TRAK1: variants seen among roughly 807,000 people sequenced by gnomAD.
TRAK1 encodes the protein trafficking kinesin-binding protein 1.
TRAK1 carries 33 observed loss-of-function variants against 92.1 expected under a neutral mutation model. That is an observed-to-expected ratio of 0.36 (90% CI 0.27 to 0.48). TRAK1 has a LOEUF of 0.48. Among genes scored for constraint, TRAK1 ranks in the 20% least tolerant of loss-of-function variants. The pLI is 0.99. For missense variants in TRAK1, 1,123 were observed against 1,257.9 expected, an observed-to-expected ratio of 0.89 and a Z score of 1.62; for synonymous variants, 521 against 517.3, an observed-to-expected ratio of 1.01 and a Z score of -0.10.
intron 2 of TRAK1, among the ~76,000 whole-genome samples, chr3:42,138,886 TGTG>T (rs1698310718): frequency 1.5e-5 from 2 of 134,626 alleles, no homozygotes; most frequent in Non-Finnish European, 3.5e-5. Context: ...GGTGTGTGTG[TGTG>T]TGTGTGTGTG....
At chr3:42,201,181 G>A in intron 12 of TRAK1, 127 bp downstream of exon 12, 9 of 1,035,026 alleles carry the variant, frequency 8.7e-6, no homozygotes, top group Admixed American at 6.4e-5. Flanking sequence ...AGACCTGGCC[G>A]GGCGTGGTGG....
intron 1 of TRAK1, among the ~76,000 whole-genome samples, chr3:42,107,788 G>T (rs1339584427): frequency 6.6e-6 from 1 of 151,896 alleles, no homozygotes; most frequent in Admixed American, 6.6e-5. Flanking sequence ...ATAGAACAGT[G>T]GCTTCACATT....
intron 1 of TRAK1, among the ~76,000 whole-genome samples, chr3:42,041,438 C>T (rs955719153): frequency 3.3e-5 from 5 of 151,998 alleles, no homozygotes; most frequent in Admixed American, 6.6e-5. Flanking sequence ...TATAAAAATA[C>T]GACTGATTTG....
chr3:42,042,205 G>C (rs1702571210), intron 1 of TRAK1, among the ~76,000 whole-genome samples: 1 of 152,124 alleles, frequency 6.6e-6, no homozygotes, highest in Admixed American at 6.5e-5. Flanking sequence ...GGGATTACAG[G>C]CGTGAGCCAT....
chr3:42,180,174 A>C (rs749730082), intron 3 of TRAK1, among the ~76,000 whole-genome samples: 3 of 152,198 alleles, frequency 2.0e-5, no homozygotes, highest in Non-Finnish European at 4.4e-5. Flanking sequence ...AAAAAACTAG[A>C]GACACTACAA....
intron 1 of TRAK1, among the ~76,000 whole-genome samples, chr3:42,047,130 T>C (rs577229484): frequency 2.6e-5 from 4 of 152,068 alleles, no homozygotes; most frequent in Non-Finnish European, 5.9e-5. Context: ...GCATAGTTAT[T>C]GTGTACCTGA....
chr3:42,019,199 A>G (rs1201202012), intron 1 of TRAK1, among the ~76,000 whole-genome samples: 1 of 152,206 alleles, frequency 6.6e-6, no homozygotes, highest in African/African-American at 2.4e-5. Flanking sequence ...CCAGGATTAC[A>G]GAGATAAAGC....
At chr3:42,090,695 A>G (rs536334255), upstream of TRAK1, among the ~76,000 whole-genome samples, 2 of 152,278 alleles carry the variant, frequency 1.3e-5, no homozygotes, top group Admixed American at 6.5e-5. Context: ...AAACAAAACG[A>G]AACAGCAACA....
chr3:42,018,311 A>C (rs1195905682), intron 1 of TRAK1, among the ~76,000 whole-genome samples: 1 of 151,974 alleles, frequency 6.6e-6, no homozygotes, highest in Non-Finnish European at 1.5e-5. Flanking sequence ...AAGTGCTCTT[A>C]AGGAAAATGT....
At chr3:42,200,318 G>C (rs1408323682) in intron 11 of TRAK1, among the ~76,000 whole-genome samples, 1 of 152,130 alleles carries the variant, frequency 6.6e-6, no homozygotes, top group Non-Finnish European at 1.5e-5. Flanking sequence ...GACAAATCTA[G>C]TATTTATCAT....
At chr3:42,050,936 G>A (rs184501408) in intron 1 of TRAK1, among the ~76,000 whole-genome samples, 1 of 152,324 alleles carries the variant, frequency 6.6e-6, no homozygotes, top group African/African-American at 2.4e-5. Flanking sequence ...AGGAAATAAA[G>A]TCGGAGACCC....
At chr3:42,018,725 T>A (rs370990819) in intron 1 of TRAK1, among the ~76,000 whole-genome samples, 6 of 152,222 alleles carry the variant, frequency 3.9e-5, no homozygotes, top group Admixed American at 2.6e-4. Context: ...CATGATTATG[T>A]TGATTAAAAG....
chr3:42,224,073 C>G lies in TRAK1; in HGVS notation c.*336C>G, dbSNP rs1281445743. On this transcript the variant is annotated 3_prime_UTR_variant, in exon 16 of 16. Coordinates refer to ENST00000327628, the MANE Select transcript of TRAK1 (RefSeq NM_001042646.3). ...TTTCCTTTTGAGAAGCACTGAAACT[C>G]CCAAGTGTGTTCTTATCCCATGGAT... 1 of 493,592 alleles carries G rather than the reference C, an allele frequency of 2.0e-6. No individual in the cohort carries two copies. Among genetic ancestry groups the G allele is most frequent in the Non-Finnish European group, 4.0e-6 (1 of 252,300 alleles). The allele number at this position is 493,592 out of a possible 1,614,324, so 30.6% of individuals were successfully genotyped here.
chr3:42,021,083 A>G lies in TRAK1; in HGVS notation c.-519+6966A>G, dbSNP rs564762033. Among the ~76,000 whole-genome samples the G allele has an allele frequency of 3.5e-4, 54 of 152,294 alleles. 2 individuals carry two copies. The South Asian group carries it at 0.01, about 29-fold the overall frequency. On this transcript the variant is annotated intron_variant, in intron 1 of 16. Transcript: ENST00000487159. ...ATTAAAAACTCAAAACAAACAAAAA[A>G]CCAAACCTATGATTCAGGAATAGCA...
chr3:42,034,612 T>A (rs1012189932), intron 1 of TRAK1, among the ~76,000 whole-genome samples: 2 of 152,100 alleles, frequency 1.3e-5, no homozygotes, highest in Non-Finnish European at 2.9e-5. Context: ...TCGTTAGTCT[T>A]CTCTCTGCCT....
chr3:42,014,704 G>T (rs775222559), intron 1 of TRAK1, among the ~76,000 whole-genome samples: 5 of 152,130 alleles, frequency 3.3e-5, no homozygotes, highest in Non-Finnish European at 7.4e-5. Flanking sequence ...TGCCCCTTCC[G>T]CTTTAAGCTT....
chr3:42,195,757 A>G (rs145417681), intron 10 of TRAK1, among the ~76,000 whole-genome samples: 27 of 152,366 alleles, frequency 1.8e-4, no homozygotes, highest in African/African-American at 5.5e-4. Flanking sequence ...AAAAAGAAAG[A>G]CATATAACAT....
At chr3:42,121,652 C>T (rs1244833095) in intron 1 of TRAK1, among the ~76,000 whole-genome samples, 1 of 152,180 alleles carries the variant, frequency 6.6e-6, no homozygotes, top group East Asian at 1.9e-4. Context: ...TGTCTCCTTC[C>T]ATAGGGGGTC....
rs1337680587 is a variant in TRAK1 at position 42,223,807 on chromosome 3, TC to T, written c.*76del. The stretch of plus-strand genomic sequence containing the variant: ...CTCTCTTGCTCCCACCTCCCTCTCT[TC>T]CCCCCACAGTGCACTCCCTCCCTCT... On this transcript the variant is annotated 3_prime_UTR_variant, in exon 16 of 16. Transcript: ENST00000327628. The surrounding 1 kb of genome is among the most constrained non-coding windows in gnomAD (Gnocchi z 6.1). The T allele has an allele frequency of 1.3e-6, 2 of 1,510,338 alleles. No individual in the cohort carries two copies. The highest frequency in any genetic ancestry group is 1.3e-5 in the South Asian group (1 of 79,140). 93.6% of individuals were successfully genotyped at this position (1,510,338 alleles called of 1,614,324 possible). A position where few individuals can be genotyped will look rare whatever the true frequency, so the allele number is the denominator to read the frequency against.
Sources: gnomAD v4.1 joint callset for allele counts (sites outside exome capture counted in the v4.1 genomes callset) on GRCh38, gnomAD v4.1.1 for gene constraint, Gnocchi (gnomAD v3.1) non-coding constraint, MANE v1.5 for transcripts, NCBI Gene and HGNC (gene_info 2026-07-23, HGNC 2026-07-21) for gene names.